RUNX1: variants seen among roughly 807,000 people sequenced by gnomAD.
The protein encoded by RUNX1 is runt-related transcription factor 1.
Under a neutral mutation model 42.8 loss-of-function variants are expected in RUNX1, and 19 were observed. The ratio of observed to expected loss-of-function variants is 0.44; its 90% CI spans 0.31 to 0.65. The LOEUF (loss-of-function observed/expected upper bound fraction) is 0.65, where lower values mean the gene tolerates loss of function less well. Ranked by LOEUF, RUNX1 falls within the 30% of genes least tolerant of loss-of-function variation. RUNX1 has a pLI of 0.07. For missense variants in RUNX1, 528 were observed against 672.0 expected (o/e 0.79, Z 2.37); for synonymous variants, 271 against 289.4 (o/e 0.94, Z 0.64).
At position 34,859,583 on chromosome 21, in the gene RUNX1, G is replaced by A. The variant is rs1445730412; in HGVS notation, c.509-5C>T. 5.0e-6 allele frequency: 8 copies of A among 1,609,506 alleles called. No individual in the cohort carries two copies. Among genetic ancestry groups the A allele is most frequent in the Non-Finnish European group, 6.8e-6 (8 of 1,175,762 alleles). On this transcript the variant is annotated splice_region_variant and splice_polypyrimidine_tract_variant and intron_variant, in intron 5 of 8. Coordinates refer to ENST00000675419, the MANE Select transcript of RUNX1 (RefSeq NM_001754.5). Reference sequence around the variant, plus strand: ...TGGTCAGAGTGAAGCTTTTCCCTGTGGGGACACGATAGAGAACAAAACAGA... The same window carrying A: ...TGGTCAGAGTGAAGCTTTTCCCTGTAGGGACACGATAGAGAACAAAACAGA...
intron 6 of RUNX1, among the ~76,000 whole-genome samples, chr21:34,849,416 AT>A (rs1374027715): frequency 4.3e-5 from 3 of 70,374 alleles, no homozygotes; most frequent in African/African-American, 5.8e-5. Context: ...TATATAATAT[AT>A]TATATAGTAT....
At position 34,897,829 on chromosome 21, in the gene RUNX1, T is replaced by A. The variant is rs149957243; in HGVS notation, c.59-4866A>T. On this transcript the variant is annotated intron_variant, in intron 2 of 8. Transcript: ENST00000675419. ...CCACCCTAATCCCTGGGGCTGGGAA[T>A]ATGATGAGTTGTCATGCTCTGGTTA... Among the ~76,000 whole-genome samples, 40 of 152,278 alleles carry A rather than the reference T, an allele frequency of 2.6e-4. No individual in the cohort carries two copies. The East Asian group carries it at 7.3e-3, about 28-fold the overall frequency.
intron 2 of RUNX1, among the ~76,000 whole-genome samples, chr21:35,002,519 C>A (rs2146880874): frequency 1.3e-5 from 2 of 152,026 alleles, no homozygotes; most frequent in East Asian, 3.9e-4. Context: ...CCTCCACCTC[C>A]CAGGCTCAAG....
Position 34,889,867 on chromosome 21 carries a change from G to A in RUNX1, c.98-2771C>T, listed in dbSNP as rs2058058516. On this transcript the variant is annotated intron_variant, in intron 3 of 8. Transcript: ENST00000675419. Reference sequence around the variant, plus strand: ...AGTCCCTCCACGCCCTCCCTGCCGGGCCCTGCACCTCCCGGGGCCTCTCAT... The same window carrying A: ...AGTCCCTCCACGCCCTCCCTGCCGGACCCTGCACCTCCCGGGGCCTCTCAT... 6 of 1,080,032 alleles carry A rather than the reference G, an allele frequency of 5.6e-6. No homozygotes were observed. In the African/African-American group the frequency reaches 9.9e-5, roughly 18 times the overall value. The allele number at this position is 1,080,032 out of a possible 1,614,324, so 66.9% of individuals were successfully genotyped here.
intron 2 of RUNX1, among the ~76,000 whole-genome samples, chr21:35,023,727 G>A (rs939659110): frequency 6.6e-6 from 1 of 152,118 alleles, no homozygotes; most frequent in African/African-American, 2.4e-5. Context: ...ATGAAAGGGG[G>A]GCACAGGAAT....
At chr21:34,958,228 T>C (rs1371870972) in intron 2 of RUNX1, among the ~76,000 whole-genome samples, 6 of 152,136 alleles carry the variant, frequency 3.9e-5, no homozygotes, top group African/African-American at 1.2e-4. Flanking sequence ...CCCAGCTGTG[T>C]GCTTATGGCG....
chr21:35,044,052 C>T (rs779265965), intron 2 of RUNX1, among the ~76,000 whole-genome samples: 1 of 152,216 alleles, frequency 6.6e-6, no homozygotes, highest in Non-Finnish European at 1.5e-5. Flanking sequence ...AACTAGCCTC[C>T]ATATTTAAAA....
At chr21:35,004,004 C>T (rs544538790) in intron 2 of RUNX1, among the ~76,000 whole-genome samples, 4 of 152,270 alleles carry the variant, frequency 2.6e-5, no homozygotes, top group Non-Finnish European at 4.4e-5. Context: ...CAAAATAATC[C>T]ACACACATTC....
At chr21:34,823,458 T>TTTTTTTG (rs2056941097) in intron 7 of RUNX1, among the ~76,000 whole-genome samples, 1 of 121,144 alleles carries the variant, frequency 8.3e-6, no homozygotes, top group Non-Finnish European at 1.7e-5. Context: ...TTTTTTTTTT[T>TTTTTTTG]TTCAGATGGA....
Position 34,815,149 on chromosome 21 carries a change from C to G in RUNX1, c.806-15687G>C, listed in dbSNP as rs73201041. On this transcript the variant is annotated intron_variant, in intron 7 of 8. Coordinates refer to ENST00000675419, the MANE Select transcript of RUNX1 (RefSeq NM_001754.5). Reference sequence around the variant, plus strand: ...CCCTTGATTTGAACAAAAGAGGTTTCAGAGGAACAGAGGTGGAGGGAAGAG... The same window carrying G: ...CCCTTGATTTGAACAAAAGAGGTTTGAGAGGAACAGAGGTGGAGGGAAGAG... 5.4e-3 allele frequency among the ~76,000 whole-genome samples: 820 copies of G among 152,106 alleles called. 5 individuals are homozygous for G. Among genetic ancestry groups the G allele is most frequent in the Non-Finnish European group, 8.5e-3 (575 of 67,996 alleles).
intron 2 of RUNX1, among the ~76,000 whole-genome samples, chr21:35,024,028 CAAAT>C (rs566779676): frequency 1.1e-4 from 17 of 151,438 alleles, no homozygotes; most frequent in Admixed American, 2.6e-4. Context: ...AATCAATAAA[CAAAT>C]AAATATTTAG....
intron 2 of RUNX1, among the ~76,000 whole-genome samples, chr21:35,011,289 C>T (rs960751347): frequency 6.6e-4 from 101 of 152,240 alleles, no homozygotes; most frequent in African/African-American, 2.2e-3. Flanking sequence ...TTTTCCTGAT[C>T]CCAAGCCCAT....
At chr21:34,887,433 C>T in intron 3 of RUNX1, 1 of 1,311,990 alleles carries the variant, frequency 7.6e-7, no homozygotes. Context: ...CTGTCTTTGG[C>T]TGTTAGAAAA....
chr21:34,910,475 A>G (rs957468776), intron 2 of RUNX1, among the ~76,000 whole-genome samples: 10 of 152,172 alleles, frequency 6.6e-5, no homozygotes, highest in African/African-American at 2.4e-4. Flanking sequence ...TGTATAATGA[A>G]AGCTAAATGC....
intron 2 of RUNX1, among the ~76,000 whole-genome samples, chr21:34,925,743 T>C (rs1183793210): frequency 6.6e-6 from 1 of 152,184 alleles, no homozygotes; most frequent in African/African-American, 2.4e-5. Flanking sequence ...CTAATTATAT[T>C]GTAAGATCCT....
chr21:34,884,966 T>C (rs1356935323), intron 4 of RUNX1, among the ~76,000 whole-genome samples: 1 of 152,238 alleles, frequency 6.6e-6, no homozygotes, highest in African/African-American at 2.4e-5. Flanking sequence ...TGGTTTCTGC[T>C]AGAAAGAATT....
intron 2 of RUNX1, among the ~76,000 whole-genome samples, chr21:34,985,068 G>A (rs180815101): frequency 6.6e-6 from 1 of 152,208 alleles, no homozygotes; most frequent in Admixed American, 6.5e-5. Context: ...TGTCAAAGTA[G>A]TTATGTGATT....
intron 2 of RUNX1, among the ~76,000 whole-genome samples, chr21:35,036,081 G>C (rs1183758489): frequency 6.6e-6 from 1 of 152,182 alleles, no homozygotes; most frequent in Non-Finnish European, 1.5e-5. Flanking sequence ...AGACAGAAGA[G>C]GGAGCAGGGA....
intron 7 of RUNX1, among the ~76,000 whole-genome samples, chr21:34,809,980 T>C (rs1221732070): frequency 6.6e-6 from 1 of 152,220 alleles, no homozygotes; most frequent in Non-Finnish European, 1.5e-5. Flanking sequence ...TCATGCCAGT[T>C]TGCAGCCTGG....
Sources: allele counts gnomAD v4.1 joint callset (sites outside exome capture counted in the v4.1 genomes callset), GRCh38; gene constraint gnomAD v4.1.1; transcripts MANE v1.5; gene names NCBI Gene and HGNC (gene_info 2026-07-23, HGNC 2026-07-21).